MACROD2: variants seen among roughly 807,000 people sequenced by gnomAD.
The protein encoded by MACROD2 is ADP-ribose glycohydrolase MACROD2.
In MACROD2, 36 loss-of-function variants were observed where a neutral mutation model predicts 70.4. The observed-to-expected ratio is 0.51, with a 90% CI of 0.39 to 0.68. The LOEUF (loss-of-function observed/expected upper bound fraction) is 0.68. Ranked by LOEUF, MACROD2 falls within the 30% of genes least tolerant of loss-of-function variation. The probability of loss-of-function intolerance (pLI) is 0.00; values close to 1 mark genes in which losing one functional copy is unlikely to be tolerated. For synonymous variants in MACROD2, 172 were observed against 178.8 expected, an observed-to-expected ratio of 0.96 and a Z score of 0.30; for missense variants, 496 against 538.4, an observed-to-expected ratio of 0.92 and a Z score of 0.78.
At position 14,700,524 on chromosome 20, in the gene MACROD2, T is replaced by G. The variant is rs534928609; in HGVS notation, c.418+15565T>G. 7.2e-5 allele frequency among the ~76,000 whole-genome samples: 9 copies of G among 125,566 alleles called. No homozygotes were observed. The South Asian group carries it at 7.3e-4, about 10-fold the overall frequency. 82.4% of individuals were successfully genotyped at this position (125,566 alleles called of 152,430 possible). Reference sequence around the variant, plus strand: ...CTTTGACAGTTAAGACATATGGTGGTGTGTGTGTGTGTGTGTGTGTGTGTG... The same window carrying G: ...CTTTGACAGTTAAGACATATGGTGGGGTGTGTGTGTGTGTGTGTGTGTGTG... On this transcript the variant is annotated intron_variant, in intron 5 of 17. Transcript: ENST00000684519.
At chr20:14,643,373 G>C (rs1464901736) in intron 4 of MACROD2, among the ~76,000 whole-genome samples, 2 of 152,118 alleles carry the variant, frequency 1.3e-5, no homozygotes, top group Non-Finnish European at 2.9e-5. Context: ...GTAACCCTGA[G>C]GCCTATCCAC....
chr20:14,733,371 G>A (rs1211622435), intron 5 of MACROD2, among the ~76,000 whole-genome samples: 2 of 152,126 alleles, frequency 1.3e-5, no homozygotes, highest in Admixed American at 6.6e-5. Flanking sequence ...GCAGCTCAGG[G>A]TACTTCCTTA....
intron 5 of MACROD2, among the ~76,000 whole-genome samples, chr20:15,053,149 G>T (rs773838581): frequency 2.2e-4 from 34 of 152,312 alleles, no homozygotes; most frequent in Non-Finnish European, 4.1e-4. Context: ...ACATAAAAGC[G>T]CAGGTAAAGC....
intron 8 of MACROD2, among the ~76,000 whole-genome samples, chr20:15,537,058 T>C (rs1289831526): frequency 6.6e-6 from 1 of 152,160 alleles, no homozygotes; most frequent in East Asian, 1.9e-4. Context: ...TCATCTTGAA[T>C]TTTAGCTCCC....
intron 17 of MACROD2, among the ~76,000 whole-genome samples, chr20:16,046,319 T>C (rs1400574278): frequency 7.4e-6 from 1 of 135,844 alleles, no homozygotes; most frequent in Non-Finnish European, 1.6e-5. Flanking sequence ...AAACATGTTC[T>C]TATAAACATT....
rs542911847 is a variant in MACROD2 at position 15,731,335 on chromosome 20, C to T, written c.646-131410C>T. ...TATTTTCCTTAAATCTTTGAAATTT[C>T]TGTCTTTTGGATGAGGTTTTTTTAT... On this transcript the variant is annotated intron_variant, in intron 8 of 17. Transcript: ENST00000684519. Among the ~76,000 whole-genome samples the T allele has an allele frequency of 1.9e-4, 11 of 58,122 alleles. 4 individuals are homozygous for T. In the East Asian group the frequency reaches 3.0e-3, roughly 16 times the overall value. 38.1% of individuals were successfully genotyped at this position (58,122 alleles called of 152,430 possible). A position where few individuals can be genotyped will look rare whatever the true frequency, so the allele number is the denominator to read the frequency against.
chr20:14,747,986 C>G (rs1418497603), intron 5 of MACROD2, among the ~76,000 whole-genome samples: 1 of 152,016 alleles, frequency 6.6e-6, no homozygotes, highest in African/African-American at 2.4e-5. Context: ...ATGCAGTTCT[C>G]AAATGTTTCT....
chr20:15,535,956 G>T (rs1479581099), intron 8 of MACROD2, among the ~76,000 whole-genome samples: 1 of 152,192 alleles, frequency 6.6e-6, no homozygotes, highest in African/African-American at 2.4e-5. Context: ...AAGGGTAGGA[G>T]TGGCTGGACT....
At chr20:15,494,776 T>TGTGTGTGTGC (rs368522802) in intron 7 of MACROD2, among the ~76,000 whole-genome samples, 4 of 131,892 alleles carry the variant, frequency 3.0e-5, no homozygotes, top group South Asian at 6.7e-4. Flanking sequence ...CGTGTGTGTG[T>TGTGTGTGTGC]GCGCGCGTGT....
At chr20:14,129,325 G>A (rs1018423360) in intron 3 of MACROD2, among the ~76,000 whole-genome samples, 2 of 152,196 alleles carry the variant, frequency 1.3e-5, no homozygotes, top group African/African-American at 2.4e-5. Flanking sequence ...AGCAGATATC[G>A]TGGAAATAGC....
At chr20:14,590,765 G>A (rs981533438) in intron 4 of MACROD2, among the ~76,000 whole-genome samples, 11 of 151,832 alleles carry the variant, frequency 7.2e-5, no homozygotes, top group Admixed American at 2.6e-4. Flanking sequence ...AATATTTTGC[G>A]TATTTAGATG....
intron 5 of MACROD2, among the ~76,000 whole-genome samples, chr20:14,732,308 T>G (rs1175322970): frequency 6.6e-6 from 1 of 152,192 alleles, no homozygotes; most frequent in Non-Finnish European, 1.5e-5. Context: ...GGGCAAACTT[T>G]GAGTGCTATG....
At chr20:15,694,202 A>G (rs1468227141) in intron 8 of MACROD2, among the ~76,000 whole-genome samples, 1 of 152,140 alleles carries the variant, frequency 6.6e-6, no homozygotes, top group African/African-American at 2.4e-5. Context: ...TTTTCAAATA[A>G]TGACTTATTT....
At chr20:16,013,312 T>C (rs914070569) in intron 15 of MACROD2, among the ~76,000 whole-genome samples, 3 of 152,104 alleles carry the variant, frequency 2.0e-5, no homozygotes, top group Admixed American at 6.5e-5. Flanking sequence ...TGAACAAAAA[T>C]AGCAACCCAA....
intron 5 of MACROD2, among the ~76,000 whole-genome samples, chr20:15,042,415 C>T (rs2075363359): frequency 2.0e-5 from 3 of 152,190 alleles, no homozygotes; most frequent in Admixed American, 6.5e-5. Flanking sequence ...AGTATGCCCT[C>T]ACCTGGCCAC....
chr20:15,849,840 T>C (rs2064276501), intron 8 of MACROD2, among the ~76,000 whole-genome samples: 2 of 152,114 alleles, frequency 1.3e-5, no homozygotes, highest in South Asian at 4.1e-4. Context: ...GCATGTGTGC[T>C]GGATAAACAA....
intron 8 of MACROD2, among the ~76,000 whole-genome samples, chr20:15,507,074 G>A (rs1447298881): frequency 6.6e-6 from 1 of 152,182 alleles, no homozygotes; most frequent in African/African-American, 2.4e-5. Flanking sequence ...GCCCAAATGT[G>A]TCGTTCAGGT....
chr20:15,333,818 G>C (rs979658135), intron 6 of MACROD2, among the ~76,000 whole-genome samples: 1 of 151,570 alleles, frequency 6.6e-6, no homozygotes, highest in Non-Finnish European at 1.5e-5. Flanking sequence ...AGAAAAAAGG[G>C]AGCAACGAAT....
intron 4 of MACROD2, among the ~76,000 whole-genome samples, chr20:14,549,008 G>A (rs1978468196): frequency 6.6e-6 from 1 of 152,114 alleles, no homozygotes; most frequent in Admixed American, 6.6e-5. Context: ...ATGATTACAG[G>A]CAAAGCAAGC....
Sources: allele counts gnomAD v4.1 joint callset (sites outside exome capture counted in the v4.1 genomes callset), GRCh38; gene constraint gnomAD v4.1.1; transcripts MANE v1.5; gene names NCBI Gene and HGNC (gene_info 2026-07-23, HGNC 2026-07-21).